SLC18A1: variants seen among roughly 807,000 people sequenced by gnomAD.
SLC18A1 encodes the protein chromaffin granule amine transporter.
In SLC18A1, 69 loss-of-function variants were observed where a neutral mutation model predicts 53.7. The observed-to-expected ratio is 1.28, with a 90% confidence interval of 1.06 to 1.57. The LOEUF (loss-of-function observed/expected upper bound fraction) is 1.57, where lower values mean the gene tolerates loss of function less well. SLC18A1 is among the 40% of genes most tolerant of loss of function. SLC18A1 has a pLI of 0.00. For missense variants in SLC18A1, 932 were observed against 668.1 expected (o/e 1.40, Z -4.35); for synonymous variants, 320 against 248.1 (o/e 1.29, Z -2.72).
rs145583291 is a variant in SLC18A1, at chr8:20,147,611, A to G, written c.1322T>C (p.Phe441Ser). 13 of 1,614,012 alleles carry G rather than the reference A, an allele frequency of 8.1e-6. No homozygotes were observed. The highest frequency in any genetic ancestry group is 1.7e-5 in the Admixed American group (1 of 59,998). The change falls in exon 14 of 16, where the codon TTT becomes TCT. Residue 441 changes from phenylalanine to serine, a missense_variant. Phe to Ser is a radical substitution (Grantham distance 155). Coordinates refer to ENST00000276373, the MANE Select transcript of SLC18A1 (RefSeq NM_003053.4). The part of the protein sequence containing the change: ...AIADVAFCMG[F>S]AIGPSTGGAI... ...AGGTCCTGCCAACATACCTATAGCA[A>G]AGCCCATGCAAAAAGCCACATCAGC...
chr8:20,173,025 G>C lies in SLC18A1; in HGVS notation c.724+11C>G. 6.4e-7 allele frequency: 1 copy of C among 1,573,968 alleles called. No individual in the cohort carries two copies. The highest frequency in any genetic ancestry group is 8.6e-7 in the Non-Finnish European group (1 of 1,159,146). Reference sequence around the variant, plus strand: ...CCTCCCGAACCCAGAGCTCCAGCTGGTGCCACTTACCCAGCAACCCCAAGG... The same window carrying C: ...CCTCCCGAACCCAGAGCTCCAGCTGCTGCCACTTACCCAGCAACCCCAAGG... On this transcript the variant is annotated intron_variant, in intron 6 of 15. Coordinates refer to ENST00000276373, the MANE Select transcript of SLC18A1 (RefSeq NM_003053.4).
intron 8 of SLC18A1, 102 bp downstream of exon 8, chr8:20,171,001 A>G: frequency 1.8e-6 from 2 of 1,130,108 alleles, no homozygotes; most frequent in Non-Finnish European, 2.7e-6. Context: ...CGCTGACCCT[A>G]TTCCTCTTCA....
At chr8:20,163,946 C>T (rs974451895) in intron 10 of SLC18A1, among the ~76,000 whole-genome samples, 3 of 152,134 alleles carry the variant, frequency 2.0e-5, no homozygotes, top group Non-Finnish European at 4.4e-5. Flanking sequence ...AGCCTTAGGG[C>T]AGGCGATGAA....
intron 8 of SLC18A1, among the ~76,000 whole-genome samples, chr8:20,167,141 A>T (rs1170099897): frequency 6.6e-6 from 1 of 152,126 alleles, no homozygotes; most frequent in African/African-American, 2.4e-5. Flanking sequence ...GCCAAAAAAA[A>T]AAAACCCCAC....
At chr8:20,147,168 A>T in intron 15 of SLC18A1, 90 bp downstream of exon 15, 11 of 1,384,548 alleles carry the variant, frequency 7.9e-6, no homozygotes, top group Middle Eastern at 2.0e-4. Context: ...CAATAGAGGG[A>T]GGAAATAACA....
intron 12 of SLC18A1, chr8:20,148,651 C>T: frequency 2.4e-6 from 1 of 419,568 alleles, no homozygotes; most frequent in Non-Finnish European, 4.7e-6. Context: ...AATCCCCCAA[C>T]AAAAACCCCT....
chr8:20,162,312 G>A (rs1252258728), intron 10 of SLC18A1, among the ~76,000 whole-genome samples: 4 of 152,184 alleles, frequency 2.6e-5, no homozygotes, highest in Non-Finnish European at 4.4e-5. Context: ...AATAAGTGGT[G>A]CCTGGCTCAC....
At chr8:20,157,898 C>T (rs572907663) in intron 10 of SLC18A1, among the ~76,000 whole-genome samples, 1 of 152,262 alleles carries the variant, frequency 6.6e-6, no homozygotes, top group South Asian at 2.1e-4. Context: ...AAATCAAATG[C>T]CTAATAGGGC....
At chr8:20,163,509 T>C (rs533702129) in intron 10 of SLC18A1, among the ~76,000 whole-genome samples, 5 of 152,192 alleles carry the variant, frequency 3.3e-5, no homozygotes, top group African/African-American at 7.2e-5. Flanking sequence ...GTGGGCCACA[T>C]AGCAAGCACT....
At chr8:20,156,383 A>G (rs1036507014) in intron 10 of SLC18A1, among the ~76,000 whole-genome samples, 1 of 152,174 alleles carries the variant, frequency 6.6e-6, no homozygotes, top group African/African-American at 2.4e-5. Flanking sequence ...CAATTTCCTA[A>G]CAGGGGATTT....
rs1247106497 is a variant in SLC18A1, at chr8:20,181,014, T to A, written c.-50A>T. Reference sequence around the variant, plus strand: ...TTCCCCTGCGGGCTCTTAGGGAAGGTCCTGTGACAGCTACAGGTCTCCTGC... The same window carrying A: ...TTCCCCTGCGGGCTCTTAGGGAAGGACCTGTGACAGCTACAGGTCTCCTGC... On this transcript the variant is annotated 5_prime_UTR_variant, in exon 2 of 16. Coordinates refer to ENST00000276373, the MANE Select transcript of SLC18A1 (RefSeq NM_003053.4). The A allele has an allele frequency of 6.5e-7, 1 of 1,539,884 alleles. No homozygotes were observed. The highest frequency in any genetic ancestry group is 8.8e-7 in the Non-Finnish European group (1 of 1,140,166).
At chr8:20,170,803 A>G (rs140402433) in intron 8 of SLC18A1, among the ~76,000 whole-genome samples, 2 of 151,108 alleles carry the variant, frequency 1.3e-5, no homozygotes, top group East Asian at 3.9e-4. Context: ...ATACATGAAT[A>G]TATATATACA....
chr8:20,146,070 C>T (rs2071389142), intron 15 of SLC18A1, among the ~76,000 whole-genome samples, 194 bp from the exon 16 acceptor site: 1 of 152,082 alleles, frequency 6.6e-6, no homozygotes, highest in Non-Finnish European at 1.5e-5. Context: ...CGCCCATCAC[C>T]ACGCCAGGCT....
At chr8:20,153,971 C>G (rs556453183) in intron 10 of SLC18A1, among the ~76,000 whole-genome samples, 1 of 152,190 alleles carries the variant, frequency 6.6e-6, no homozygotes, top group East Asian at 1.9e-4. Flanking sequence ...GAATGAATCC[C>G]TCGTGAATGG....
At chr8:20,173,451 C>G (rs2072177362) in intron 5 of SLC18A1, among the ~76,000 whole-genome samples, 1 of 152,124 alleles carries the variant, frequency 6.6e-6, no homozygotes, top group Non-Finnish European at 1.5e-5. Flanking sequence ...TGAGGGGTTA[C>G]AGAGCAGATC....
chr8:20,165,917 A>G (rs1347220331), intron 8 of SLC18A1, among the ~76,000 whole-genome samples: 1 of 152,074 alleles, frequency 6.6e-6, no homozygotes. Flanking sequence ...ACTACTTTCT[A>G]TCTTGTAATA....
At chr8:20,176,935 G>A (rs1333320300) in intron 4 of SLC18A1, among the ~76,000 whole-genome samples, 1 of 152,160 alleles carries the variant, frequency 6.6e-6, no homozygotes, top group Non-Finnish European at 1.5e-5. Flanking sequence ...TTACTTCTCA[G>A]TGTGTGTCTC....
At chr8:20,167,499 G>A (rs933788947) in intron 8 of SLC18A1, among the ~76,000 whole-genome samples, 1 of 152,122 alleles carries the variant, frequency 6.6e-6, no homozygotes, top group Non-Finnish European at 1.5e-5. Flanking sequence ...GAGTTGGGCT[G>A]GAAGTGGAGG....
intron 2 of SLC18A1, 138 bp from the exon 3 acceptor site, chr8:20,179,622 T>C (rs1304698433): frequency 1.7e-6 from 2 of 1,170,680 alleles, no homozygotes; most frequent in Non-Finnish European, 2.4e-6. Flanking sequence ...ACAGATGTCA[T>C]CTTACCACTA....
Sources: gnomAD v4.1 joint callset for allele counts (sites outside exome capture counted in the v4.1 genomes callset) on GRCh38, gnomAD v4.1.1 for gene constraint, MANE v1.5 for transcripts, NCBI Gene and HGNC (gene_info 2026-07-23, HGNC 2026-07-21) for gene names.